NTNG1: variants seen among roughly 807,000 people sequenced by gnomAD.
NTNG1 encodes the protein netrin-G1.
Under a neutral mutation model 54.0 loss-of-function variants are expected in NTNG1, and 16 were observed. The observed-to-expected ratio is 0.30, with a 90% CI of 0.20 to 0.45. The LOEUF (loss-of-function observed/expected upper bound fraction) is 0.45, where lower values mean the gene tolerates loss of function less well. NTNG1 is among the 20% of genes least tolerant of loss of function. NTNG1 has a pLI of 1.00. For synonymous variants in NTNG1, 255 were observed against 263.1 expected, an observed-to-expected ratio of 0.97 and a Z score of 0.30; for missense variants, 530 against 678.7, an observed-to-expected ratio of 0.78 and a Z score of 2.43.
intron 3 of NTNG1, among the ~76,000 whole-genome samples, chr1:107,352,402 C>T (rs1669672875): frequency 6.6e-6 from 1 of 152,090 alleles, no homozygotes; most frequent in South Asian, 2.1e-4. Flanking sequence ...GTTGGTGTAT[C>T]TACAATTATG....
intron 2 of NTNG1, among the ~76,000 whole-genome samples, chr1:107,274,419 G>A (rs1664339542): frequency 6.6e-6 from 1 of 152,186 alleles, no homozygotes; most frequent in South Asian, 2.1e-4. Flanking sequence ...TATTGTACTT[G>A]ACATGTGCTA....
Position 107,433,471 on chromosome 1 carries a change from G to A in NTNG1, c.1255+2554G>A, listed in dbSNP as rs1039203217. On this transcript the variant is annotated intron_variant, in intron 6 of 7. Coordinates refer to ENST00000370068, the MANE Select transcript of NTNG1 (RefSeq NM_001113226.3). ...TGAGGCAGGAGAATCAGTTGAACTC[G>A]AGAGGTAGAGGTTGCAGTGAGCTGA... Among the ~76,000 whole-genome samples the A allele has an allele frequency of 2.0e-5, 3 of 152,256 alleles. No homozygotes were observed. The South Asian group carries it at 6.2e-4, about 32-fold the overall frequency.
intron 2 of NTNG1, among the ~76,000 whole-genome samples, chr1:107,251,751 G>A (rs1482241789): frequency 6.6e-6 from 1 of 152,098 alleles, no homozygotes; most frequent in Non-Finnish European, 1.5e-5. Flanking sequence ...GTCCACTGTT[G>A]TCTTACTTTG....
chr1:107,371,826 A>C (rs1448047787), intron 3 of NTNG1, among the ~76,000 whole-genome samples: 5 of 152,068 alleles, frequency 3.3e-5, no homozygotes, highest in African/African-American at 1.2e-4. Context: ...TACTTATCCA[A>C]AAAGCTTAGG....
At chr1:107,272,605 G>C (rs1213673377) in intron 2 of NTNG1, among the ~76,000 whole-genome samples, 1 of 152,058 alleles carries the variant, frequency 6.6e-6, no homozygotes, top group African/African-American at 2.4e-5. Flanking sequence ...ACAGAATTCA[G>C]GTATAGAATA....
At chr1:107,465,798 G>A (rs1424347096) in intron 7 of NTNG1, among the ~76,000 whole-genome samples, 1 of 152,168 alleles carries the variant, frequency 6.6e-6, no homozygotes, top group Non-Finnish European at 1.5e-5. Flanking sequence ...GAGGACTTAT[G>A]TAAGATCCAC....
intron 2 of NTNG1, among the ~76,000 whole-genome samples, chr1:107,269,035 A>G (rs1193172250): frequency 6.6e-6 from 1 of 152,096 alleles, no homozygotes. Flanking sequence ...ATTTTTTTTA[A>G]TGTAAGGCAT....
intron 6 of NTNG1, among the ~76,000 whole-genome samples, chr1:107,434,196 C>G (rs554384557): frequency 1.3e-5 from 2 of 152,302 alleles, no homozygotes; most frequent in Non-Finnish European, 2.9e-5. Flanking sequence ...CAACTCATAT[C>G]TTTGACAAAA....
At chr1:107,385,803 T>C (rs1671930516) in intron 3 of NTNG1, among the ~76,000 whole-genome samples, 1 of 151,906 alleles carries the variant, frequency 6.6e-6, no homozygotes, top group Admixed American at 6.6e-5. Context: ...TTTTCTATTC[T>C]ATTTTGGATA....
intron 3 of NTNG1, among the ~76,000 whole-genome samples, chr1:107,374,549 C>G (rs1208284027): frequency 6.6e-6 from 1 of 151,994 alleles, no homozygotes; most frequent in Non-Finnish European, 1.5e-5. Context: ...CTTTTTGGCT[C>G]TAGAAGTTCA....
chr1:107,235,117 A>T (rs1159995267), intron 2 of NTNG1, among the ~76,000 whole-genome samples: 1 of 152,204 alleles, frequency 6.6e-6, no homozygotes, highest in Non-Finnish European at 1.5e-5. Flanking sequence ...CCAGGGTTAC[A>T]TAGCTGATAA....
chr1:107,271,545 C>G (rs1664144773), intron 2 of NTNG1, among the ~76,000 whole-genome samples: 1 of 151,970 alleles, frequency 6.6e-6, no homozygotes, highest in African/African-American at 2.4e-5. Flanking sequence ...TTTTAATAAC[C>G]CAGACCAGCG....
At chr1:107,216,197 G>T (rs1422371659) in intron 2 of NTNG1, among the ~76,000 whole-genome samples, 1 of 152,122 alleles carries the variant, frequency 6.6e-6, no homozygotes, top group Non-Finnish European at 1.5e-5. Flanking sequence ...AATAGAAGTG[G>T]TGAAAGTGGG....
At chr1:107,254,437 G>T (rs1200749762) in intron 2 of NTNG1, among the ~76,000 whole-genome samples, 1 of 152,166 alleles carries the variant, frequency 6.6e-6, no homozygotes, top group Non-Finnish European at 1.5e-5. Context: ...AGTAGCAGCC[G>T]CATGAGGACT....
intron 2 of NTNG1, among the ~76,000 whole-genome samples, chr1:107,185,161 A>G (rs1220164499): frequency 6.6e-6 from 1 of 152,216 alleles, no homozygotes; most frequent in African/African-American, 2.4e-5. Flanking sequence ...GGTGAGTCAT[A>G]GCAGACAAGG....
At chr1:107,268,279 C>G (rs1663886685) in intron 2 of NTNG1, among the ~76,000 whole-genome samples, 1 of 152,174 alleles carries the variant, frequency 6.6e-6, no homozygotes, top group Admixed American at 6.5e-5. Context: ...CCTAACCACT[C>G]TAAACATGCT....
intron 7 of NTNG1, 60 bp downstream of exon 7, chr1:107,436,859 A>G (rs1675632472): frequency 6.5e-7 from 1 of 1,543,460 alleles, no homozygotes; most frequent in Non-Finnish European, 8.9e-7. Flanking sequence ...CTGCTTGGCT[A>G]GGCCGGTGCG....
intron 2 of NTNG1, among the ~76,000 whole-genome samples, chr1:107,188,244 G>C (rs74817467): frequency 1.3e-5 from 2 of 151,900 alleles, no homozygotes; most frequent in African/African-American, 4.8e-5. Flanking sequence ...TTATCACATT[G>C]GGTATGAGAT....
chr1:107,346,484 G>A (rs899550278), intron 3 of NTNG1, among the ~76,000 whole-genome samples: 2 of 152,130 alleles, frequency 1.3e-5, no homozygotes, highest in Non-Finnish European at 2.9e-5. Context: ...TAACTACATA[G>A]GTTCTGATGG....
Sources: allele counts gnomAD v4.1 joint callset (sites outside exome capture counted in the v4.1 genomes callset), GRCh38; gene constraint gnomAD v4.1.1; transcripts MANE v1.5; gene names NCBI Gene and HGNC (gene_info 2026-07-23, HGNC 2026-07-21).